The following PAX3 variants were observed in gnomAD, a reference collection of about 807,000 sequenced individuals.
PAX3 encodes the protein paired box protein Pax-3.
In PAX3, 14 loss-of-function variants were observed where a neutral mutation model predicts 51.6. The ratio of observed to expected loss-of-function variants is 0.27; its 90% CI spans 0.18 to 0.42. The LOEUF (loss-of-function observed/expected upper bound fraction) is 0.42, where lower values mean the gene tolerates loss of function less well. Among genes scored for constraint, PAX3 ranks in the 10% least tolerant of loss-of-function variants. The pLI, the probability that PAX3 is intolerant of heterozygous loss-of-function variation, is 1.00. For synonymous variants in PAX3, 280 were observed against 253.4 expected, an observed-to-expected ratio of 1.11 and a Z score of -1.00; for missense variants, 540 against 642.8, an observed-to-expected ratio of 0.84 and a Z score of 1.73.
intron 7 of PAX3, among the ~76,000 whole-genome samples, chr2:222,213,320 T>C (rs1691820970): frequency 6.6e-6 from 1 of 152,124 alleles, no homozygotes; most frequent in Non-Finnish European, 1.5e-5. Context: ...AAACCAAAAG[T>C]ACCAGGTCAA....
At chr2:222,269,194 T>A (rs374279687) in intron 4 of PAX3, among the ~76,000 whole-genome samples, 2 of 152,344 alleles carry the variant, frequency 1.3e-5, no homozygotes, top group East Asian at 1.9e-4. Context: ...ACGGACTGTT[T>A]CTTTAGCCCC....
intron 4 of PAX3, among the ~76,000 whole-genome samples, chr2:222,245,363 T>C (rs570811519): frequency 2.6e-5 from 4 of 152,238 alleles, no homozygotes; most frequent in South Asian, 2.1e-4. Flanking sequence ...TTGTCTTCTC[T>C]ATGTCTACTG....
At chr2:222,212,338 G>T (rs1260868902) in intron 7 of PAX3, among the ~76,000 whole-genome samples, 1 of 152,046 alleles carries the variant, frequency 6.6e-6, no homozygotes, top group Non-Finnish European at 1.5e-5. Flanking sequence ...CATTAGTTCA[G>T]TGCTAAAGGT....
intron 4 of PAX3, among the ~76,000 whole-genome samples, chr2:222,248,196 A>C (rs978914208): frequency 6.6e-6 from 1 of 152,248 alleles, no homozygotes; most frequent in African/African-American, 2.4e-5. Flanking sequence ...AAAACTAGTA[A>C]TTAATGTGAA....
chr2:222,232,261 T>G lies in PAX3; in HGVS notation c.609A>C (p.Glu203Asp). The G allele has an allele frequency of 6.2e-7, 1 of 1,613,782 alleles. No individual in the cohort carries two copies. The highest frequency in any genetic ancestry group is 8.5e-7 in the Non-Finnish European group (1 of 1,179,752). The change falls in exon 5 of 9, where the codon GAA becomes GAC. Residue 203 changes from glutamate (E) to aspartate (D), a missense_variant. Glu to Asp is a conservative substitution (Grantham distance 45, BLOSUM62 2). This residue lies in a region of PAX3 where 427 missense variants were observed against 483.6 expected (regional missense o/e 0.88). Coordinates refer to ENST00000392070, the MANE Select transcript of PAX3 (RefSeq NM_181458.4). ...SERASAPQSD[E>D]GSDIDSEPDL... The stretch of plus-strand genomic sequence containing the variant: ...CTGGTTCAGAGTCAATATCAGAGCC[T>G]TCATCTGATTGGGGTGCTGAGGCTA...
At chr2:222,219,757 T>A (rs1254385953) in intron 7 of PAX3, among the ~76,000 whole-genome samples, 2 of 152,100 alleles carry the variant, frequency 1.3e-5, no homozygotes, top group African/African-American at 2.4e-5. Context: ...CCTTATCAAT[T>A]GATTGAAACC....
intron 5 of PAX3, 117 bp downstream of exon 5, chr2:222,231,961 G>A (rs1327650960): frequency 3.4e-6 from 3 of 889,284 alleles, no homozygotes. Flanking sequence ...TGCATCCCTA[G>A]TAAAGGGCCA....
chr2:222,208,479 T>A (rs1574628800), intron 7 of PAX3, among the ~76,000 whole-genome samples: 2 of 152,150 alleles, frequency 1.3e-5, no homozygotes, highest in East Asian at 3.9e-4. Flanking sequence ...CCAGGGAATC[T>A]TGACAAATGC....
At chr2:222,282,277 G>A (rs1364245481) in intron 4 of PAX3, among the ~76,000 whole-genome samples, 1 of 152,100 alleles carries the variant, frequency 6.6e-6, no homozygotes, top group Admixed American at 6.5e-5. Flanking sequence ...TTCACAGGCT[G>A]AAACGTCTAG....
intron 4 of PAX3, among the ~76,000 whole-genome samples, chr2:222,240,071 T>C (rs914305978): frequency 3.9e-5 from 6 of 151,928 alleles, no homozygotes; most frequent in Non-Finnish European, 5.9e-5. Context: ...TCCTGCCAGG[T>C]TGGGGCTAAT....
intron 4 of PAX3, chr2:222,263,789 A>C (rs902858972): frequency 1.3e-5 from 2 of 152,224 alleles, no homozygotes; most frequent in African/African-American, 4.8e-5. Flanking sequence ...ATTCAGTAGA[A>C]TACTACTCAG....
intron 5 of PAX3, among the ~76,000 whole-genome samples, chr2:222,230,860 A>AC (rs1025443395): frequency 6.6e-6 from 1 of 151,424 alleles, no homozygotes; most frequent in Non-Finnish European, 1.5e-5. Context: ...ACCTCAAAAA[A>AC]AAAAAAAAAA....
chr2:222,226,704 G>A (rs941579506), intron 5 of PAX3, among the ~76,000 whole-genome samples: 1 of 149,852 alleles, frequency 6.7e-6, no homozygotes, highest in African/African-American at 2.4e-5. Flanking sequence ...TCATTCCCAA[G>A]GGTCCTGAGA....
At chr2:222,295,433 G>T (rs1695243274) in intron 3 of PAX3, 95 bp downstream of exon 3, 18 of 1,456,482 alleles carry the variant, frequency 1.2e-5, no homozygotes, top group Non-Finnish European at 9.6e-7. Flanking sequence ...CCCAATAGCT[G>T]AGATCGATAA....
At chr2:222,276,965 C>A (rs1694442941) in intron 4 of PAX3, among the ~76,000 whole-genome samples, 1 of 152,156 alleles carries the variant, frequency 6.6e-6, no homozygotes, top group South Asian at 2.1e-4. Context: ...TGAAGAAGCA[C>A]CCTGCGTATT....
chr2:222,280,224 A>AG (rs1694590708), intron 4 of PAX3, among the ~76,000 whole-genome samples: 2 of 149,700 alleles, frequency 1.3e-5, no homozygotes, highest in Non-Finnish European at 3.0e-5. Flanking sequence ...AGAAAGAAAG[A>AG]AAGAGAGAGA....
At chr2:222,205,014 A>G (rs1416101788) in intron 7 of PAX3, among the ~76,000 whole-genome samples, 2 of 152,184 alleles carry the variant, frequency 1.3e-5, no homozygotes, top group South Asian at 2.1e-4. Flanking sequence ...GAAGGCAGCA[A>G]TAACTAATTA....
intron 4 of PAX3, among the ~76,000 whole-genome samples, chr2:222,288,767 C>T (rs143043849): frequency 1.3e-5 from 2 of 152,188 alleles, no homozygotes; most frequent in Non-Finnish European, 1.5e-5. Flanking sequence ...CTCTACAAAC[C>T]TACAACATGT....
At chr2:222,242,188 G>T (rs1038893529) in intron 4 of PAX3, among the ~76,000 whole-genome samples, 3 of 151,760 alleles carry the variant, frequency 2.0e-5, no homozygotes, top group African/African-American at 7.3e-5. Context: ...TTGAAACCAC[G>T]TTTTTTTTGA....
Sources: allele counts gnomAD v4.1 joint callset (sites outside exome capture counted in the v4.1 genomes callset), GRCh38; gene constraint gnomAD v4.1.1; regional missense constraint gnomAD v4.1.1; transcripts MANE v1.5; gene names NCBI Gene and HGNC (gene_info 2026-07-23, HGNC 2026-07-21).